Variants in FAM13A observed in about 807,000 individuals in gnomAD.
FAM13A encodes protein FAM13A.
A neutral mutation model predicts 129.6 loss-of-function variants in FAM13A; 76 were observed. The observed-to-expected ratio is 0.59, with a 90% CI of 0.49 to 0.71. The LOEUF (loss-of-function observed/expected upper bound fraction) is 0.71. FAM13A is among the 30% of genes least tolerant of loss of function. The pLI is 0.00. For missense variants in FAM13A, 1,108 were observed against 1,249.3 expected (o/e 0.89, Z 1.70); for synonymous variants, 443 against 449.9 (o/e 0.98, Z 0.20).
intron 17 of FAM13A, 62 bp downstream of exon 17, chr4:88,748,890 G>A: frequency 1.8e-6 from 2 of 1,107,126 alleles, no homozygotes; most frequent in Non-Finnish European, 2.8e-6. Flanking sequence ...AGTGGGAGAG[G>A]AGGTGAGAGA....
intron 7 of FAM13A, among the ~76,000 whole-genome samples, chr4:88,844,153 A>G (rs1420431857): frequency 2.0e-5 from 3 of 152,324 alleles, no homozygotes; most frequent in African/African-American, 7.2e-5. Context: ...ATGCCCCCTC[A>G]GTACTAGCGT....
intron 3 of FAM13A, among the ~76,000 whole-genome samples, chr4:89,004,028 G>A (rs573080042): frequency 1.3e-5 from 2 of 152,280 alleles, no homozygotes; most frequent in Admixed American, 1.3e-4. Flanking sequence ...TCACTATGTT[G>A]TTCAGGCTGG....
chr4:88,933,014 C>T (rs532023814), intron 5 of FAM13A, among the ~76,000 whole-genome samples: 86 of 152,180 alleles, frequency 5.7e-4, no homozygotes, highest in Admixed American at 9.8e-4. Context: ...TGATTACTTC[C>T]CACAATCAAA....
rs1277956158 is a variant in FAM13A, at chr4:88,726,183, TC to T, written c.*2349del. ...AGAAATGGTTGCTGGGGAACACATC[TC>T]CCTCGGCAGAGCCAGAAACCACTGA... On this transcript the variant is annotated 3_prime_UTR_variant, in exon 24 of 24. Coordinates refer to ENST00000264344, the MANE Select transcript of FAM13A (RefSeq NM_014883.4). The T allele has an allele frequency of 6.6e-6, 1 of 152,096 alleles. No homozygotes were observed. The allele number at this position is 152,096 out of a possible 1,614,324, so 9.4% of individuals were successfully genotyped here.
In FAM13A at chr4:88,938,121, T is replaced by A; in HGVS notation, c.726A>T (p.Arg242Ser). The change falls in exon 5 of 24, where the codon AGA (arginine) becomes AGT (serine). Residue 242 changes from arginine to serine, a missense_variant. Physicochemically the swap from Arg to Ser is moderately radical, Grantham distance 110. Transcript: ENST00000264344. ...EVEYTENDHL[R>S]CENLARLIIV... Reference sequence around the variant, plus strand: ...TGATAAGCCTAGCCAGGTTTTCACATCTCAGATGATCATTTTCTGTATACT... The same window carrying A: ...TGATAAGCCTAGCCAGGTTTTCACAACTCAGATGATCATTTTCTGTATACT... The A allele has an allele frequency of 6.2e-7, 1 of 1,613,656 alleles. No homozygotes were observed. The highest frequency in any genetic ancestry group is 2.2e-5 in the East Asian group (1 of 44,876).
chr4:88,817,220 T>C (rs1308577032), intron 7 of FAM13A, among the ~76,000 whole-genome samples: 1 of 152,202 alleles, frequency 6.6e-6, no homozygotes, highest in Non-Finnish European at 1.5e-5. Context: ...AACTATTGAA[T>C]TGCATATTTG....
intron 5 of FAM13A, among the ~76,000 whole-genome samples, chr4:88,920,988 G>A (rs988242117): frequency 2.0e-5 from 3 of 151,948 alleles, no homozygotes; most frequent in Admixed American, 2.0e-4. Context: ...AAGCGAGAAG[G>A]GAAGTTTAGA....
Position 88,964,442 on chromosome 4 carries a change from A to G in FAM13A, c.606-26201T>C, listed in dbSNP as rs930666861. Among the ~76,000 whole-genome samples, 10 of 152,070 alleles carry G rather than the reference A, an allele frequency of 6.6e-5. No individual in the cohort carries two copies. The East Asian group carries it at 1.2e-3, about 18-fold the overall frequency. ...TTGGGATTAAAAAAATATTATTAGG[A>G]AAGACCTCCTAGAGGAGGTAGTATT... On this transcript the variant is annotated intron_variant, in intron 4 of 23. Coordinates refer to ENST00000264344, the MANE Select transcript of FAM13A (RefSeq NM_014883.4).
At chr4:88,784,336 T>G in intron 10 of FAM13A, among the ~76,000 whole-genome samples, 1 of 152,222 alleles carries the variant, frequency 6.6e-6, no homozygotes, top group Non-Finnish European at 1.5e-5. Context: ...TCAGGGGCAC[T>G]TTATTTAGAT....
At chr4:88,870,610 G>C (rs975562235) in intron 6 of FAM13A, among the ~76,000 whole-genome samples, 1 of 152,238 alleles carries the variant, frequency 6.6e-6, no homozygotes, top group Admixed American at 6.5e-5. Context: ...TGAGGCTTGA[G>C]TAGGTAAACA....
intron 3 of FAM13A, among the ~76,000 whole-genome samples, chr4:88,997,038 G>A (rs776985012): frequency 4.1e-4 from 62 of 152,292 alleles, no homozygotes; most frequent in Middle Eastern, 3.4e-3. Context: ...TCAGATTACA[G>A]ATAGTATCTA....
chr4:88,863,920 G>A (rs995378492), intron 6 of FAM13A, among the ~76,000 whole-genome samples: 1 of 152,102 alleles, frequency 6.6e-6, no homozygotes, highest in Admixed American at 6.6e-5. Flanking sequence ...AAACAAACAA[G>A]TTCAAATTCA....
intron 6 of FAM13A, among the ~76,000 whole-genome samples, chr4:88,887,767 C>T (rs188651539): frequency 2.0e-5 from 3 of 152,052 alleles, no homozygotes; most frequent in Admixed American, 1.3e-4. Context: ...TCCTGGCCTC[C>T]AGTGATCTGC....
chr4:88,745,677 G>A (rs956284382), intron 19 of FAM13A, among the ~76,000 whole-genome samples: 2 of 152,078 alleles, frequency 1.3e-5, no homozygotes, highest in East Asian at 3.9e-4. Flanking sequence ...TGAATATTCC[G>A]GTGGAGAAGG....
At chr4:88,926,898 G>A (rs1348258361) in intron 5 of FAM13A, among the ~76,000 whole-genome samples, 1 of 151,996 alleles carries the variant, frequency 6.6e-6, no homozygotes, top group South Asian at 2.1e-4. Flanking sequence ...TATAATTAGG[G>A]GGACAGGTGC....
intron 4 of FAM13A, chr4:88,990,769 T>C (rs966088683): frequency 4.5e-6 from 2 of 441,078 alleles, no homozygotes; most frequent in Non-Finnish European, 8.0e-6. Flanking sequence ...TTGCAAATTA[T>C]AGTTTTGTAA....
At chr4:88,800,783 A>G (rs1327230773) in intron 8 of FAM13A, among the ~76,000 whole-genome samples, 1 of 152,080 alleles carries the variant, frequency 6.6e-6, no homozygotes, top group Non-Finnish European at 1.5e-5. Context: ...GTTGTGTCTA[A>G]AGACATCCAG....
chr4:88,849,756 C>T (rs1401851586), intron 7 of FAM13A, among the ~76,000 whole-genome samples: 1 of 152,002 alleles, frequency 6.6e-6, no homozygotes, highest in African/African-American at 2.4e-5. Flanking sequence ...TAAAGCAGTT[C>T]GTGGAACCAG....
chr4:88,886,367 T>A (rs1017478599), intron 6 of FAM13A, among the ~76,000 whole-genome samples: 1 of 152,064 alleles, frequency 6.6e-6, no homozygotes, highest in Non-Finnish European at 1.5e-5. Flanking sequence ...GGCAGGCAGA[T>A]CACCTGAGGT....
Sources: gnomAD v4.1 joint callset for allele counts (sites outside exome capture counted in the v4.1 genomes callset) on GRCh38, gnomAD v4.1.1 for gene constraint, MANE v1.5 for transcripts, NCBI Gene and HGNC (gene_info 2026-07-23, HGNC 2026-07-21) for gene names.